The following TIMMDC1 variants were observed in gnomAD, a reference collection of about 807,000 sequenced individuals.
The protein encoded by TIMMDC1 is translocase of inner mitochondrial membrane domain containing 1, also known as complex I assembly factor TIMMDC1, mitochondrial.
Under a neutral mutation model 32.6 loss-of-function variants are expected in TIMMDC1, and 25 were observed. The observed-to-expected ratio is 0.77, with a 90% CI of 0.56 to 1.07. TIMMDC1 has a LOEUF of 1.07. Ranked by LOEUF, TIMMDC1 falls within the 50% of genes least tolerant of loss-of-function variation. The pLI, the probability that TIMMDC1 is intolerant of heterozygous loss-of-function variation, is 0.00. For missense variants in TIMMDC1, 329 were observed against 349.2 expected (o/e 0.94, Z 0.46); for synonymous variants, 130 against 127.6 (o/e 1.02, Z -0.13).
At chr3:119,508,100 C>T (rs570376517) in intron 4 of TIMMDC1, among the ~76,000 whole-genome samples, 8 of 152,154 alleles carry the variant, frequency 5.3e-5, no homozygotes, top group Non-Finnish European at 1.2e-4. Context: ...AATGTTCTGG[C>T]ATATTTCAAA....
intron 4 of TIMMDC1, among the ~76,000 whole-genome samples, chr3:119,511,512 G>A (rs185265053): frequency 4.6e-5 from 7 of 151,730 alleles, no homozygotes; most frequent in South Asian, 4.2e-4. Flanking sequence ...AAATTTGTGC[G>A]TAAGTAAATC....
chr3:119,503,985 A>C lies in TIMMDC1; in HGVS notation c.481A>C (p.Asn161His). The change falls in exon 4 of 7, where the codon AAT becomes CAT. Residue 161 changes from asparagine to histidine, a missense_variant. Physicochemically the swap from Asn to His is moderately conservative, Grantham distance 68 (BLOSUM62 1). Coordinates refer to ENST00000494664, the MANE Select transcript of TIMMDC1 (RefSeq NM_016589.4). The stretch of plus-strand genomic sequence containing the variant: ...GAACACTAGTCTGAATGTATACCGA[A>C]ATAAAGATGCCTTAAGCCATTTTGT... Reference protein sequence around the residue: ...TVNTSLNVYRNKDALSHFVIA... With the variant: ...TVNTSLNVYRHKDALSHFVIA... 6.2e-7 allele frequency: 1 copy of C among 1,613,852 alleles called. No homozygotes were observed. The highest frequency in any genetic ancestry group is 8.5e-7 in the Non-Finnish European group (1 of 1,179,838).
intron 2 of TIMMDC1, among the ~76,000 whole-genome samples, chr3:119,503,188 A>G (rs2107727194): frequency 6.6e-6 from 1 of 152,340 alleles, no homozygotes; most frequent in African/African-American, 2.4e-5. Context: ...GGAGCATTTC[A>G]GATTTCGGTT....
At position 119,505,999 on chromosome 3, in the gene TIMMDC1, A is replaced by G. The variant is rs2081916621; in HGVS notation, c.517+1978A>G. Among the ~76,000 whole-genome samples the G allele has an allele frequency of 2.0e-5, 3 of 152,300 alleles. No individual in the cohort carries two copies. In the South Asian group the frequency reaches 6.2e-4, roughly 32 times the overall value. ...CGCGTGTCATGGAGATTTGCTATAC[A>G]GATTCTTTCATCACCCAAGTATTAA... On this transcript the variant is annotated intron_variant, in intron 4 of 6. Coordinates refer to ENST00000494664, the MANE Select transcript of TIMMDC1 (RefSeq NM_016589.4).
At chr3:119,517,750 C>G (rs1022210919) in intron 6 of TIMMDC1, among the ~76,000 whole-genome samples, 1 of 152,098 alleles carries the variant, frequency 6.6e-6, no homozygotes, top group East Asian at 1.9e-4. Context: ...GGTGGATCAC[C>G]TGAGGTCAGG....
intron 4 of TIMMDC1, among the ~76,000 whole-genome samples, chr3:119,510,270 A>T (rs963563800): frequency 1.1e-4 from 17 of 152,146 alleles, no homozygotes; most frequent in African/African-American, 3.4e-4. Context: ...CTAAGAATGT[A>T]ATATAATAAG....
chr3:119,511,643 A>G (rs960381184), intron 4 of TIMMDC1, among the ~76,000 whole-genome samples: 1 of 152,204 alleles, frequency 6.6e-6, no homozygotes, highest in Non-Finnish European at 1.5e-5. Flanking sequence ...TATGTCATAA[A>G]TACTATGGAA....
At chr3:119,513,004 G>C (rs546322806) in intron 4 of TIMMDC1, among the ~76,000 whole-genome samples, 2 of 152,318 alleles carry the variant, frequency 1.3e-5, no homozygotes, top group South Asian at 2.1e-4. Flanking sequence ...GCCTCCCAAA[G>C]TGTTGGGATT....
At chr3:119,514,934 A>G (rs1238215161) in intron 5 of TIMMDC1, among the ~76,000 whole-genome samples, 1 of 152,164 alleles carries the variant, frequency 6.6e-6, no homozygotes, top group African/African-American at 2.4e-5. Context: ...TCACACCTGT[A>G]AAACCAGCAG....
chr3:119,510,491 A>G (rs1204755745), intron 4 of TIMMDC1, among the ~76,000 whole-genome samples: 1 of 152,202 alleles, frequency 6.6e-6, no homozygotes, highest in Non-Finnish European at 1.5e-5. Flanking sequence ...CATAGCAAAG[A>G]CATTTCAGCA....
intron 6 of TIMMDC1, among the ~76,000 whole-genome samples, chr3:119,518,410 G>GAC (rs2081999691): frequency 6.6e-6 from 1 of 151,686 alleles, no homozygotes; most frequent in Non-Finnish European, 1.5e-5. Context: ...CACACACACA[G>GAC]ACACACACAC....
At chr3:119,521,910 A>C (rs2082029130) in intron 6 of TIMMDC1, among the ~76,000 whole-genome samples, 1 of 152,176 alleles carries the variant, frequency 6.6e-6, no homozygotes, top group South Asian at 2.1e-4. Flanking sequence ...ACAAAAAATA[A>C]ATTTTGGCAA....
intron 6 of TIMMDC1, among the ~76,000 whole-genome samples, chr3:119,520,822 C>CA (rs1446483639): frequency 6.6e-6 from 1 of 152,102 alleles, no homozygotes; most frequent in Non-Finnish European, 1.5e-5. Flanking sequence ...ATGTATTCTA[C>CA]AAAACAATCC....
At chr3:119,506,756 T>C (rs2107729122) in intron 4 of TIMMDC1, among the ~76,000 whole-genome samples, 1 of 152,336 alleles carries the variant, frequency 6.6e-6, no homozygotes, top group Non-Finnish European at 1.5e-5. Context: ...AATTCTTCTA[T>C]AGTTTCCTGT....
chr3:119,503,995 C>T lies in TIMMDC1; in HGVS notation c.491C>T (p.Ala164Val). The change falls in exon 4 of 7, where the codon GCC becomes GTC. Residue 164 changes from alanine to valine, a missense_variant. Physicochemically the swap from Ala to Val is moderately conservative, Grantham distance 64 (BLOSUM62 0). Coordinates refer to ENST00000494664, the MANE Select transcript of TIMMDC1 (RefSeq NM_016589.4). ...CTGAATGTATACCGAAATAAAGATG[C>T]CTTAAGCCATTTTGTAATTGCAGGA... ...TSLNVYRNKDALSHFVIAGAV... is the reference protein window; with the variant it reads ...TSLNVYRNKDVLSHFVIAGAV... 2.5e-6 allele frequency: 4 copies of T among 1,613,262 alleles called. No homozygotes were observed. Among genetic ancestry groups the T allele is most frequent in the East Asian group, 2.2e-5 (1 of 44,850 alleles).
chr3:119,518,944 T>A (rs1234806606), intron 6 of TIMMDC1, among the ~76,000 whole-genome samples: 2 of 152,240 alleles, frequency 1.3e-5, no homozygotes, highest in African/African-American at 4.8e-5. Flanking sequence ...CTAGCAAAGC[T>A]ATTTTTCCAA....
intron 6 of TIMMDC1, among the ~76,000 whole-genome samples, chr3:119,522,045 C>T (rs2082029714): frequency 6.6e-6 from 1 of 152,094 alleles, no homozygotes; most frequent in South Asian, 2.1e-4. Flanking sequence ...ATCCAGCAAT[C>T]TTCCCTACTA....
intron 4 of TIMMDC1, among the ~76,000 whole-genome samples, chr3:119,508,694 G>C (rs4688012): frequency 0.81 from 123,167 of 152,246 alleles, 49,899 homozygotes; most frequent in East Asian, 0.87. Flanking sequence ...CAGTCAGTCA[G>C]CCTTCAGGTT....
chr3:119,506,824 A>C (rs1236413304), intron 4 of TIMMDC1, among the ~76,000 whole-genome samples: 1 of 152,176 alleles, frequency 6.6e-6, no homozygotes, highest in Admixed American at 6.5e-5. Context: ...CTTTCACTTT[A>C]CAATCTCCTC....
Sources: allele counts gnomAD v4.1 joint callset (sites outside exome capture counted in the v4.1 genomes callset), GRCh38; gene constraint gnomAD v4.1.1; transcripts MANE v1.5; gene names NCBI Gene and HGNC (gene_info 2026-07-23, HGNC 2026-07-21).